Variants in TEX11 observed in about 807,000 individuals in gnomAD.
TEX11 encodes the protein testis expressed 11.
In TEX11, 7 loss-of-function variants were observed where a neutral mutation model predicts 84.4. The observed-to-expected ratio is 0.08, with a 90% CI of 0.05 to 0.16. The LOEUF (loss-of-function observed/expected upper bound fraction) is 0.16. TEX11 is among the 10% of genes least tolerant of loss of function. The probability of loss-of-function intolerance (pLI) is 1.00; values close to 1 mark genes in which losing one functional copy is unlikely to be tolerated. For missense variants in TEX11, 551 were observed against 660.5 expected, an observed-to-expected ratio of 0.83 and a Z score of 1.82; for synonymous variants, 264 against 222.8, an observed-to-expected ratio of 1.18 and a Z score of -1.64.
intron 25 of TEX11, among the ~76,000 whole-genome samples, chrX:70,569,863 A>T (rs12008764): frequency 0.13 from 14,360 of 110,683 alleles, 763 homozygotes; most frequent in Middle Eastern, 0.2. Flanking sequence ...GGTGTCAGGG[A>T]CCCACTTGAG....
chrX:70,784,306 C>G (rs2091062820), intron 9 of TEX11, among the ~76,000 whole-genome samples: 1 of 111,424 alleles, frequency 9.0e-6, no homozygotes, highest in Admixed American at 9.6e-5. Context: ...TCTCAATAAA[C>G]TAGGTATTGA....
downstream of TEX11, among the ~76,000 whole-genome samples, chrX:70,527,426 C>T (rs1254594191): frequency 3.6e-5 from 4 of 111,623 alleles, no homozygotes; most frequent in African/African-American, 1.3e-4. Flanking sequence ...TGAAGCTAAT[C>T]ATTAGGAAAC....
intron 8 of TEX11, among the ~76,000 whole-genome samples, chrX:70,821,483 T>C (rs1454129834): frequency 9.0e-6 from 1 of 111,464 alleles, no homozygotes; most frequent in Non-Finnish European, 1.9e-5. Flanking sequence ...CCCTTCACTC[T>C]CTCTTCCTTC....
At chrX:70,545,676 C>T (rs1397385783) in intron 28 of TEX11, among the ~76,000 whole-genome samples, 2 of 112,152 alleles carry the variant, frequency 1.8e-5, no homozygotes, top group Non-Finnish European at 3.8e-5. Context: ...ATATCATTAA[C>T]AAGAATTATG....
intron 7 of TEX11, among the ~76,000 whole-genome samples, chrX:70,851,016 T>G (rs2091505417): frequency 8.9e-6 from 1 of 112,106 alleles, no homozygotes; most frequent in African/African-American, 3.2e-5. Context: ...GATAACAATA[T>G]CCCCCAAATT....
rs899643754 is a variant in TEX11, at chrX:70,538,775, A to C, written c.2521-8776T>G. On this transcript the variant is annotated intron_variant, in intron 28 of 29. Coordinates refer to ENST00000374333, the MANE Select transcript of TEX11 (RefSeq NM_031276.3). ...TAACCTTTCAATGCCTCAATTTGCA[A>C]AATAATGAGCTTAAATTAGGTAACT... 3.6e-5 allele frequency among the ~76,000 whole-genome samples: 4 copies of C among 110,158 alleles called. No homozygotes were observed. The Admixed American group carries it at 4.0e-4, about 11-fold the overall frequency.
chrX:70,719,187 G>A (rs1463796561), intron 13 of TEX11, among the ~76,000 whole-genome samples: 2 of 111,740 alleles, frequency 1.8e-5, no homozygotes, highest in Admixed American at 9.6e-5. Flanking sequence ...TTATATACAC[G>A]TTTCATTTTT....
Position 70,712,105 on chromosome X carries a change from T to C in TEX11, c.1004+10513A>G, listed in dbSNP as rs1023399043. Reference sequence around the variant, plus strand: ...GTCAAAGATCAGATAGTTGTAGATATGTGGCATTATTTCTGAGGGCTCTGT... The same window carrying C: ...GTCAAAGATCAGATAGTTGTAGATACGTGGCATTATTTCTGAGGGCTCTGT... On this transcript the variant is annotated intron_variant, in intron 13 of 29. Transcript: ENST00000374333. Among the ~76,000 whole-genome samples the C allele has an allele frequency of 1.1e-3, 127 of 111,614 alleles. 2 individuals are homozygous for C. Among genetic ancestry groups the C allele is most frequent in the Non-Finnish European group, 2.1e-3 (110 of 53,080 alleles).
intron 7 of TEX11, among the ~76,000 whole-genome samples, chrX:70,838,006 T>C (rs2147837112): frequency 8.9e-6 from 1 of 112,704 alleles, no homozygotes; most frequent in African/African-American, 3.2e-5. Context: ...TTGCACTATA[T>C]GTATGCAAGA....
In TEX11 at chrX:70,579,530, A is replaced by ACC. The variant is rs370154205; in HGVS notation, c.2140+12220_2140+12221insGG. Among the ~76,000 whole-genome samples, 362 of 103,151 alleles carry ACC rather than the reference A, an allele frequency of 3.5e-3. 1 individual carries two copies. The highest frequency in any genetic ancestry group is 6.0e-3 in the Non-Finnish European group (307 of 50,955). The allele number at this position is 103,151 out of a possible 115,157, so 89.6% of individuals were successfully genotyped here. On this transcript the variant is annotated intron_variant, in intron 25 of 29. Coordinates refer to ENST00000374333, the MANE Select transcript of TEX11 (RefSeq NM_031276.3). ...AAAAACAAAAAAAACAAAAAAAAAA[A>ACC]AAAACAAAAAAGAAACTGAAGAGAC... is the stretch of plus-strand genomic sequence containing the variant.
At chrX:70,642,058 T>G (rs1204900854) in intron 17 of TEX11, among the ~76,000 whole-genome samples, 1 of 109,271 alleles carries the variant, frequency 9.2e-6, no homozygotes, top group Non-Finnish European at 1.9e-5. Context: ...AAGAATCAAA[T>G]AGACACAATA....
intron 16 of TEX11, among the ~76,000 whole-genome samples, chrX:70,653,801 C>T (rs991735337): frequency 8.9e-6 from 1 of 111,785 alleles, no homozygotes; most frequent in Middle Eastern, 4.2e-3. Context: ...GATGTTCTTC[C>T]ATAGGTGAGT....
intron 8 of TEX11, among the ~76,000 whole-genome samples, chrX:70,807,831 C>T (rs1347397117): frequency 9.0e-6 from 1 of 110,713 alleles, no homozygotes. Context: ...AGGCCAGGCA[C>T]GGTGGCTCAC....
At chrX:70,585,380 A>C (rs754258164) in intron 25 of TEX11, among the ~76,000 whole-genome samples, 142 of 112,548 alleles carry the variant, frequency 1.3e-3, no homozygotes, top group Non-Finnish European at 2.3e-3. Context: ...AAATGAAAAG[A>C]CAGCCTACAT....
At chrX:70,825,834 G>A (rs1427039831) in intron 8 of TEX11, among the ~76,000 whole-genome samples, 2 of 110,117 alleles carry the variant, frequency 1.8e-5, no homozygotes, top group African/African-American at 6.6e-5. Flanking sequence ...AAAATTAGCT[G>A]GACGTAGTGG....
the TEX11 span, among the ~76,000 whole-genome samples, chrX:70,514,265 G>C: frequency 7.3e-5 from 8 of 109,543 alleles, no homozygotes; most frequent in Non-Finnish European, 1.5e-4. Flanking sequence ...AATCCACAAA[G>C]GTGGGGATAT....
chrX:70,663,343 T>G (rs2089947651), intron 16 of TEX11, among the ~76,000 whole-genome samples: 1 of 111,824 alleles, frequency 8.9e-6, no homozygotes, highest in African/African-American at 3.2e-5. Flanking sequence ...GGTTTCCTTA[T>G]GATAATCCAA....
rs750463217 is a variant in TEX11 at position 70,719,001 on chromosome X, C to T, written c.1004+3617G>A. The stretch of plus-strand genomic sequence containing the variant: ...TTTAATAAATTATCTTCACGTTAAC[C>T]TCCATCTCAAAATTTGCTTCCAGGG... On this transcript the variant is annotated intron_variant, in intron 13 of 29. Coordinates refer to ENST00000374333, the MANE Select transcript of TEX11 (RefSeq NM_031276.3). 2.7e-5 allele frequency among the ~76,000 whole-genome samples: 3 copies of T among 111,167 alleles called. No individual in the cohort carries two copies. The East Asian group carries it at 8.5e-4, about 31-fold the overall frequency.
At chrX:70,661,317 A>G (rs954032597) in intron 16 of TEX11, among the ~76,000 whole-genome samples, 6 of 112,270 alleles carry the variant, frequency 5.3e-5, no homozygotes, top group Non-Finnish European at 1.1e-4. Flanking sequence ...AGGCGGCAGC[A>G]AAGCTGGGGG....
Sources: allele counts gnomAD v4.1 joint callset (sites outside exome capture counted in the v4.1 genomes callset), GRCh38; gene constraint gnomAD v4.1.1; transcripts MANE v1.5; gene names NCBI Gene and HGNC (gene_info 2026-07-23, HGNC 2026-07-21).